Variants in OR3A2 observed in about 807,000 individuals in gnomAD.
The protein encoded by OR3A2 is olfactory receptor 3A2.
For missense variants in OR3A2, 318 were observed against 392.8 expected, an observed-to-expected ratio of 0.81 and a Z score of 1.61; for synonymous variants, 126 against 159.3, an observed-to-expected ratio of 0.79 and a Z score of 1.57.
At chr17:3,357,503 G>C (rs74883929) in intron 2 of OR3A2, among the ~76,000 whole-genome samples, 1 of 151,502 alleles carries the variant, frequency 6.6e-6, no homozygotes, top group South Asian at 2.1e-4. Context: ...GAGGTGTCTA[G>C]AATAGTCAAA....
At chr17:3,325,262 T>G (rs2049162129) in intron 3 of OR3A2, among the ~76,000 whole-genome samples, 2 of 142,526 alleles carry the variant, frequency 1.4e-5, no homozygotes, top group Non-Finnish European at 3.0e-5. Context: ...AGACTGGGAG[T>G]GCAGTGGTGC....
intron 2 of OR3A2, among the ~76,000 whole-genome samples, chr17:3,342,958 A>G (rs1044118413): frequency 1.3e-5 from 2 of 152,184 alleles, no homozygotes; most frequent in African/African-American, 4.8e-5. Flanking sequence ...TAGCCTCAGC[A>G]ATGGTGGACG....
chr17:3,377,185 G>T (rs1004622656), intron 2 of OR3A2, among the ~76,000 whole-genome samples: 4 of 152,214 alleles, frequency 2.6e-5, no homozygotes, highest in Non-Finnish European at 5.9e-5. Flanking sequence ...AGTTCACAAT[G>T]TGAGTCTCCA....
At chr17:3,293,122 C>T (rs536016863) in intron 3 of OR3A2, among the ~76,000 whole-genome samples, 1 of 147,910 alleles carries the variant, frequency 6.8e-6, no homozygotes, top group East Asian at 2.1e-4. Flanking sequence ...AAATCCATGA[C>T]TGTATAAGAG....
intron 3 of OR3A2, among the ~76,000 whole-genome samples, chr17:3,315,754 G>GT (rs1437722666): frequency 2.0e-5 from 2 of 100,768 alleles, no homozygotes; most frequent in East Asian, 5.0e-4. Flanking sequence ...GAAAATATGG[G>GT]GGGGGGGGCG....
At chr17:3,355,754 T>C (rs1011971631) in intron 2 of OR3A2, among the ~76,000 whole-genome samples, 1 of 151,520 alleles carries the variant, frequency 6.6e-6, no homozygotes, top group Non-Finnish European at 1.5e-5. Flanking sequence ...CTGGGTCTCA[T>C]GTATTCATCC....
intron 2 of OR3A2, among the ~76,000 whole-genome samples, chr17:3,340,332 C>T (rs1023311068): frequency 6.6e-6 from 1 of 152,046 alleles, no homozygotes; most frequent in Non-Finnish European, 1.5e-5. Flanking sequence ...TTTGCTCTTG[C>T]TTCTCTAGTT....
chr17:3,322,494 C>T (rs1470235092), intron 3 of OR3A2, among the ~76,000 whole-genome samples: 2 of 152,112 alleles, frequency 1.3e-5, no homozygotes, highest in Non-Finnish European at 2.9e-5. Flanking sequence ...TTCCTGCTTT[C>T]TCTTGTGGGC....
chr17:3,313,074 T>G lies in OR3A2; in HGVS notation c.-85+22959A>C, dbSNP rs1379875062. 3.9e-5 allele frequency among the ~76,000 whole-genome samples: 6 copies of G among 152,346 alleles called. No homozygotes were observed. In the Middle Eastern group the frequency reaches 0.017, roughly 432 times the overall value. Reference sequence around the variant, plus strand: ...TTGCAATTTATCAATGAGTAAGTACTGGAACCTGAGATTTTAACAACAGAG... The same window carrying G: ...TTGCAATTTATCAATGAGTAAGTACGGGAACCTGAGATTTTAACAACAGAG... On this transcript the variant is annotated intron_variant, in intron 3 of 4. Coordinates refer to the OR3A2 transcript ENST00000573491.
chr17:3,313,808 CTTATA>C (rs1490773091), intron 3 of OR3A2, among the ~76,000 whole-genome samples: 2 of 152,152 alleles, frequency 1.3e-5, no homozygotes, highest in African/African-American at 4.8e-5. Context: ...GGATCCATGT[CTTATA>C]TTATGTCTTC....
At chr17:3,351,816 T>A (rs1382693363) in intron 2 of OR3A2, among the ~76,000 whole-genome samples, 2 of 152,128 alleles carry the variant, frequency 1.3e-5, no homozygotes, top group Non-Finnish European at 2.9e-5. Context: ...GACAGCATGG[T>A]ACTGGTACCA....
intron 1 of OR3A2, among the ~76,000 whole-genome samples, chr17:3,282,219 C>T (rs550002146): frequency 6.6e-6 from 1 of 152,112 alleles, no homozygotes; most frequent in Admixed American, 6.5e-5. Flanking sequence ...TTGACACCAT[C>T]CTGGCTAACA....
intron 2 of OR3A2, among the ~76,000 whole-genome samples, chr17:3,369,170 G>T (rs954545313): frequency 6.6e-6 from 1 of 152,098 alleles, no homozygotes; most frequent in Non-Finnish European, 1.5e-5. Context: ...TATACAATAA[G>T]ATCTTCAGTG....
At chr17:3,350,782 CAATAA>C (rs936186107) in intron 2 of OR3A2, among the ~76,000 whole-genome samples, 1 of 150,048 alleles carries the variant, frequency 6.7e-6, no homozygotes, top group African/African-American at 2.5e-5. Context: ...CAAAAATCCT[CAATAA>C]AATACTGGCA....
At chr17:3,360,991 C>T (rs2150659199) in intron 2 of OR3A2, among the ~76,000 whole-genome samples, 1 of 151,560 alleles carries the variant, frequency 6.6e-6, no homozygotes, top group East Asian at 1.9e-4. Flanking sequence ...GGCATTGAAT[C>T]TATAAATTAC....
intron 3 of OR3A2, among the ~76,000 whole-genome samples, chr17:3,327,457 C>T (rs1395932804): frequency 7.8e-6 from 1 of 128,560 alleles, no homozygotes; most frequent in Admixed American, 8.4e-5. Flanking sequence ...TGGATATTAG[C>T]CCTTTGTCAG....
At chr17:3,382,483 G>C (rs954244915) in intron 2 of OR3A2, among the ~76,000 whole-genome samples, 2 of 152,220 alleles carry the variant, frequency 1.3e-5, no homozygotes, top group Non-Finnish European at 2.9e-5. Context: ...CTGGGAGGGA[G>C]ACCAGCCAAC....
At chr17:3,368,904 A>C (rs1265888895) in intron 2 of OR3A2, among the ~76,000 whole-genome samples, 1 of 152,036 alleles carries the variant, frequency 6.6e-6, no homozygotes. Context: ...TGTCCTCTAT[A>C]TTTCTTTCAG....
At chr17:3,374,885 A>G (rs999872619) in intron 2 of OR3A2, among the ~76,000 whole-genome samples, 1 of 151,648 alleles carries the variant, frequency 6.6e-6, no homozygotes, top group African/African-American at 2.4e-5. Context: ...CCAAGTCCCC[A>G]AAGTCCATTG....
Sources: gnomAD v4.1 joint callset for allele counts (sites outside exome capture counted in the v4.1 genomes callset) on GRCh38, gnomAD v4.1.1 for gene constraint, MANE v1.5 for transcripts, NCBI Gene and HGNC (gene_info 2026-07-23, HGNC 2026-07-21) for gene names.